IGF2BP1: variants seen among roughly 807,000 people sequenced by gnomAD.
IGF2BP1 encodes insulin like growth factor 2 mRNA binding protein 1, also known as insulin-like growth factor 2 mRNA-binding protein 1.
In IGF2BP1, 11 loss-of-function variants were observed where a neutral mutation model predicts 74.9. The observed-to-expected ratio is 0.15, with a 90% CI of 0.09 to 0.24. The LOEUF (loss-of-function observed/expected upper bound fraction) is 0.24. Ranked by LOEUF, IGF2BP1 falls within the 10% of genes least tolerant of loss-of-function variation. The pLI is 1.00. For missense variants in IGF2BP1, 440 were observed against 757.4 expected, an observed-to-expected ratio of 0.58 and a Z score of 4.92; for synonymous variants, 287 against 281.8, an observed-to-expected ratio of 1.02 and a Z score of -0.18.
At chr17:49,049,322 C>A in intron 14 of IGF2BP1, 30 bp from the exon 15 acceptor site, 1 of 1,605,980 alleles carries the variant, frequency 6.2e-7, no homozygotes, top group Non-Finnish European at 8.5e-7. Context: ...GGAGGTCTCA[C>A]ACCCACTCTC....
At chr17:49,016,127 C>T (rs1307131466) in intron 2 of IGF2BP1, among the ~76,000 whole-genome samples, 1 of 152,316 alleles carries the variant, frequency 6.6e-6, no homozygotes, top group East Asian at 1.9e-4. Flanking sequence ...CTTCTGACGT[C>T]GGGGCTGTTC....
Position 49,003,933 on chromosome 17 carries a change from T to G in IGF2BP1, c.236+4764T>G, listed in dbSNP as rs1352587334. Among the ~76,000 whole-genome samples the G allele has an allele frequency of 3.7e-4, 57 of 152,004 alleles. 2 individuals carry two copies. Among genetic ancestry groups the G allele is most frequent in the Admixed American group, 3.7e-3 (57 of 15,256 alleles). On this transcript the variant is annotated intron_variant, in intron 2 of 14. Coordinates refer to ENST00000290341, the MANE Select transcript of IGF2BP1 (RefSeq NM_006546.4). ...ACTCAGCTCAGGGCAAGGCTATATT[T>G]GCTTTTGGAGTTGCCGGCCTTCCCT...
intron 2 of IGF2BP1, among the ~76,000 whole-genome samples, chr17:49,023,080 G>C (rs2041811862): frequency 2.0e-5 from 3 of 152,148 alleles, no homozygotes; most frequent in East Asian, 1.9e-4. Context: ...CATTGTGAGG[G>C]CTTCTACATT....
intron 4 of IGF2BP1, among the ~76,000 whole-genome samples, chr17:49,027,853 GAAAAAAAAAAAAAAAA>G (rs777784396): frequency 4.7e-5 from 2 of 42,882 alleles, no homozygotes; most frequent in Non-Finnish European, 7.9e-5. Flanking sequence ...CTCTGTCTCA[GAAAAAAAAAAAAAAAA>G]AAAAAAAAAA....
rs536066522 is a variant in IGF2BP1, at chr17:49,039,318, C to T, written c.684-639C>T. On this transcript the variant is annotated intron_variant, in intron 6 of 14. Transcript: ENST00000290341. The stretch of plus-strand genomic sequence containing the variant: ...TTATATTTGTTTCAAGGGGGACATA[C>T]GGAATTCAAGCGGAAATGCAGCTTT... Among the ~76,000 whole-genome samples, 178 of 152,236 alleles carry T rather than the reference C, an allele frequency of 1.2e-3. 1 individual carries two copies. The highest frequency in any genetic ancestry group is 3.4e-3 in the Middle Eastern group (1 of 294).
At chr17:49,036,750 G>A (rs1316172263) in intron 5 of IGF2BP1, 2 of 152,862 alleles carry the variant, frequency 1.3e-5, no homozygotes, top group Non-Finnish European at 2.9e-5. Context: ...GGGAGTTGGA[G>A]ACCAGCCTGA....
chr17:48,997,826 C>A lies in IGF2BP1; in HGVS notation c.81C>A (p.Ile27=), dbSNP rs759615700. The part of the protein sequence containing the change: ...DLEKVFAEHK[I]SYSGQFLVKS... Reference sequence around the variant, plus strand: ...AGAAAGTGTTTGCGGAGCACAAGATCTCCTACAGCGGCCAGTTCTTGGTCA... The same window carrying A: ...AGAAAGTGTTTGCGGAGCACAAGATATCCTACAGCGGCCAGTTCTTGGTCA... The change falls in exon 1 of 15, where the codon ATC becomes ATA. Residue 27 remains isoleucine, a synonymous_variant. Coordinates refer to ENST00000290341, the MANE Select transcript of IGF2BP1 (RefSeq NM_006546.4). The surrounding 1 kb of genome is among the most constrained non-coding windows in gnomAD (Gnocchi z 4.8). 3.7e-6 allele frequency: 6 copies of A among 1,614,092 alleles called. No homozygotes were observed. The highest frequency in any genetic ancestry group is 5.1e-6 in the Non-Finnish European group (6 of 1,180,032).
intron 14 of IGF2BP1, among the ~76,000 whole-genome samples, chr17:49,048,973 C>T (rs2042136409): frequency 6.6e-6 from 1 of 151,714 alleles, no homozygotes; most frequent in Non-Finnish European, 1.5e-5. Flanking sequence ...GGGACCACTG[C>T]TCTGCAATAT....
chr17:49,035,117 G>GAA (rs1289934130), intron 5 of IGF2BP1, among the ~76,000 whole-genome samples: 3 of 152,216 alleles, frequency 2.0e-5, no homozygotes, highest in Admixed American at 1.3e-4. Context: ...TCAGAGCCTA[G>GAA]AAAAGCCTTT....
intron 4 of IGF2BP1, among the ~76,000 whole-genome samples, chr17:49,029,058 G>A (rs1474332594): frequency 6.6e-6 from 1 of 152,162 alleles, no homozygotes; most frequent in Admixed American, 6.5e-5. Flanking sequence ...GCCCACCTCG[G>A]CTTCCCAAAA....
Position 49,054,222 on chromosome 17 carries a change from C to G in IGF2BP1, c.*4778C>G, listed in dbSNP as rs1463079863. On this transcript the variant is annotated 3_prime_UTR_variant, in exon 15 of 15. Transcript: ENST00000290341. Reference sequence around the variant, plus strand: ...CGCTTTGGGGCACAGTCTGATGGCGCCTTTGCTGGCGCCTTAGTATGGTTG... The same window carrying G: ...CGCTTTGGGGCACAGTCTGATGGCGGCTTTGCTGGCGCCTTAGTATGGTTG... The G allele has an allele frequency of 6.6e-6, 1 of 152,514 alleles. No individual in the cohort carries two copies. The highest frequency in any genetic ancestry group is 1.5e-5 in the Non-Finnish European group (1 of 68,040). The allele number at this position is 152,514 out of a possible 1,614,324, so 9.4% of individuals were successfully genotyped here. A position where few individuals can be genotyped will look rare whatever the true frequency, so the allele number is the denominator to read the frequency against.
chr17:49,031,676 T>C (rs1299414026), intron 4 of IGF2BP1, among the ~76,000 whole-genome samples: 1 of 151,818 alleles, frequency 6.6e-6, no homozygotes, highest in Non-Finnish European at 1.5e-5. Context: ...CCGGCTACTT[T>C]TTGTATTTTT....
chr17:49,042,153 T>G lies in IGF2BP1; in HGVS notation c.942-89T>G. 1.3e-6 allele frequency: 2 copies of G among 1,543,700 alleles called. 1 individual carries two copies. The highest frequency in any genetic ancestry group is 2.3e-5 in the South Asian group (2 of 86,964). On this transcript the variant is annotated intron_variant, in intron 8 of 14. Transcript: ENST00000290341. ...GAATAGGCTGCAGAAATGGTGGGCC[T>G]GTGACTCAGCTGGCCTCTCGTCTTT...
intron 4 of IGF2BP1, among the ~76,000 whole-genome samples, chr17:49,030,412 G>C (rs1216436331): frequency 6.6e-6 from 1 of 152,138 alleles, no homozygotes; most frequent in Non-Finnish European, 1.5e-5. Flanking sequence ...GAAGTGCTGG[G>C]ATTACAGGCG....
intron 11 of IGF2BP1, 125 bp downstream of exon 11, chr17:49,044,211 C>A (rs2042084942): frequency 2.2e-6 from 3 of 1,336,526 alleles, no homozygotes; most frequent in Non-Finnish European, 3.1e-6. Context: ...AGGGACCTTT[C>A]CCCCATGGAA....
chr17:49,038,238 C>G lies in IGF2BP1; in HGVS notation c.472C>G (p.Gln158Glu), dbSNP rs762860271. ...ALKVSYIPDE[Q>E]IAQGPENGRR... ...GAAGGTCTCCTACATCCCCGATGAG[C>G]AGATAGCACAGGGACCTGAGAATGG... The change falls in exon 6 of 15, where the codon CAG becomes GAG. Residue 158 changes from glutamine to glutamate, a missense_variant. Physicochemically the swap from Gln to Glu is conservative, Grantham distance 29 (BLOSUM62 2). This residue lies in a region of IGF2BP1 where 184 missense variants were observed against 273.4 expected (regional missense o/e 0.67). Transcript: ENST00000290341. 2.5e-6 allele frequency: 4 copies of G among 1,583,462 alleles called. No individual in the cohort carries two copies. Among genetic ancestry groups the G allele is most frequent in the Admixed American group, 1.8e-5 (1 of 55,196 alleles).
intron 5 of IGF2BP1, among the ~76,000 whole-genome samples, chr17:49,035,847 A>G (rs777246463): frequency 6.6e-6 from 1 of 152,184 alleles, no homozygotes; most frequent in Non-Finnish European, 1.5e-5. Flanking sequence ...GCTTGGTGGC[A>G]GGCGATAGGA....
intron 9 of IGF2BP1, among the ~76,000 whole-genome samples, chr17:49,042,931 A>C (rs2042068448): frequency 6.6e-6 from 1 of 152,206 alleles, no homozygotes; most frequent in African/African-American, 2.4e-5. Context: ...CGATTCTCCT[A>C]CCTTGGCCTC....
At chr17:49,019,995 T>C (rs111492574) in intron 2 of IGF2BP1, among the ~76,000 whole-genome samples, 130 of 47,874 alleles carry the variant, frequency 2.7e-3, no homozygotes, top group South Asian at 6.6e-3. Context: ...CACATATATA[T>C]ACACACACAC....
Sources: gnomAD v4.1 joint callset for allele counts (sites outside exome capture counted in the v4.1 genomes callset) on GRCh38, gnomAD v4.1.1 for gene constraint, gnomAD v4.1.1 regional missense constraint, Gnocchi (gnomAD v3.1) non-coding constraint, MANE v1.5 for transcripts, NCBI Gene and HGNC (gene_info 2026-07-23, HGNC 2026-07-21) for gene names.